Variants in ACAT1 observed in about 807,000 individuals in gnomAD.
ACAT1 encodes the protein acetyl-CoA acetyltransferase, mitochondrial.
A neutral mutation model predicts 47.3 loss-of-function variants in ACAT1; 28 were observed. The ratio of observed to expected loss-of-function variants is 0.59; its 90% confidence interval spans 0.44 to 0.81. The LOEUF (loss-of-function observed/expected upper bound fraction) is 0.81. ACAT1 is among the 30% of genes least tolerant of loss of function. The probability of loss-of-function intolerance (pLI) is 0.00; values close to 1 mark genes in which losing one functional copy is unlikely to be tolerated. For missense variants in ACAT1, 469 were observed against 524.3 expected, an observed-to-expected ratio of 0.89 and a Z score of 1.03; for synonymous variants, 181 against 173.6, an observed-to-expected ratio of 1.04 and a Z score of -0.34.
intron 5 of ACAT1, among the ~76,000 whole-genome samples, chr11:108,135,699 G>C (rs1389113610): frequency 6.6e-6 from 1 of 152,074 alleles, no homozygotes; most frequent in East Asian, 1.9e-4. Context: ...GTGGTGGCAG[G>C]TGCCTGTAAT....
intron 10 of ACAT1, among the ~76,000 whole-genome samples, chr11:108,145,619 T>C (rs1160025031): frequency 3.3e-5 from 5 of 152,218 alleles, no homozygotes; most frequent in African/African-American, 1.2e-4. Flanking sequence ...TAAAGCATTA[T>C]GTGCCCCTAA....
chr11:108,140,506 C>T (rs748210023), intron 7 of ACAT1, among the ~76,000 whole-genome samples: 5 of 152,160 alleles, frequency 3.3e-5, no homozygotes, highest in Non-Finnish European at 5.9e-5. Context: ...AGAAGGTTAC[C>T]GGGAGTGCCT....
chr11:108,135,190 C>A lies in ACAT1; in HGVS notation c.383C>A (p.Ser128Ter). ...ACCACCATAAACAAAGTTTGTGCTT[C>A]AGGAATGAAAGCCATCATGATGGCC... The part of the protein sequence containing the change: ...PCTTINKVCA[S>*]GMKAIMMASQ... Residue 128 changes from serine (S) to a stop codon, truncating the protein, a stop_gained, in exon 5 of 12, where the codon TCA (serine) becomes TAA (stop). Coordinates refer to ENST00000265838, the MANE Select transcript of ACAT1 (RefSeq NM_000019.4). LOFTEE classifies it high-confidence loss of function. 1 of 1,613,902 alleles carries A rather than the reference C, an allele frequency of 6.2e-7. No individual in the cohort carries two copies. Among genetic ancestry groups the A allele is most frequent in the South Asian group, 1.1e-5 (1 of 91,082 alleles).
chr11:108,143,872 A>G, intron 9 of ACAT1, 111 bp from the exon 10 acceptor site: 1 of 1,181,678 alleles, frequency 8.5e-7, no homozygotes, highest in Admixed American at 2.3e-5. Context: ...ATTTACATAT[A>G]TTAAAGGGGC....
upstream of ACAT1, among the ~76,000 whole-genome samples, chr11:108,119,641 T>TTCTC (rs35756586): frequency 6.7e-5 from 10 of 149,196 alleles, no homozygotes; most frequent in Non-Finnish European, 1.3e-4. Context: ...AAATATCTGT[T>TTCTC]TCTCTCTCTC....
upstream of ACAT1, among the ~76,000 whole-genome samples, chr11:108,117,344 G>C (rs1020951539): frequency 2.0e-5 from 3 of 147,840 alleles, no homozygotes; most frequent in Non-Finnish European, 3.0e-5. Context: ...GTTTTGCTCT[G>C]TCGCCCAGGC....
Position 108,142,734 on chromosome 11 carries a change from A to T in ACAT1, c.940+184A>T, listed in dbSNP as rs567671841. Reference sequence around the variant, plus strand: ...TGCCTGTACTACCATCTACTCGGGAAGCTGAGGTGGGAGGATGCCTTGAGC... The same window carrying T: ...TGCCTGTACTACCATCTACTCGGGATGCTGAGGTGGGAGGATGCCTTGAGC... On this transcript the variant is annotated intron_variant, in intron 9 of 11. Transcript: ENST00000265838. 5.2e-6 allele frequency: 3 copies of T among 580,918 alleles called. No individual in the cohort carries two copies. The Admixed American group carries it at 7.3e-5, about 14-fold the overall frequency. The allele number at this position is 580,918 out of a possible 1,614,324, so 36.0% of individuals were successfully genotyped here.
chr11:108,134,850 C>T (rs900822122), intron 4 of ACAT1, among the ~76,000 whole-genome samples: 1 of 142,274 alleles, frequency 7.0e-6, no homozygotes, highest in Non-Finnish European at 1.5e-5. Context: ...GAGGCTGAGG[C>T]AGGAGAATGG....
intron 5 of ACAT1, among the ~76,000 whole-genome samples, chr11:108,135,648 T>C (rs1216815662): frequency 6.6e-6 from 1 of 151,914 alleles, no homozygotes; most frequent in Non-Finnish European, 1.5e-5. Context: ...GATCACATGG[T>C]GAAACCCCGT....
At chr11:108,138,763 C>A in intron 5 of ACAT1, 135 bp from the exon 6 acceptor site, 1 of 990,520 alleles carries the variant, frequency 1.0e-6, no homozygotes. Flanking sequence ...AAAGAGGGTA[C>A]TTCCTGTATT....
chr11:108,132,237 T>C (rs1312365814), intron 2 of ACAT1, among the ~76,000 whole-genome samples: 1 of 152,052 alleles, frequency 6.6e-6, no homozygotes, highest in Admixed American at 6.6e-5. Flanking sequence ...ACTCGCATTG[T>C]ATTGTGTGTG....
At chr11:108,134,965 A>G (rs2077440638) in intron 4 of ACAT1, among the ~76,000 whole-genome samples, 177 bp from the exon 5 acceptor site, 1 of 151,504 alleles carries the variant, frequency 6.6e-6, no homozygotes, top group East Asian at 1.9e-4. Context: ...AAAAAAAAAA[A>G]AAAGTATAAA....
At chr11:108,121,298 A>G, upstream of ACAT1, 1 of 519,682 alleles carries the variant, frequency 1.9e-6, no homozygotes, top group Admixed American at 3.2e-5. Context: ...CGGATTACAC[A>G]TAAACCACCG....
chr11:108,146,341 C>T lies in ACAT1; in HGVS notation c.1145C>T (p.Ser382Phe), dbSNP rs1327844613. 4 of 1,613,844 alleles carry T rather than the reference C, an allele frequency of 2.5e-6. No individual in the cohort carries two copies. The highest frequency in any genetic ancestry group is 3.4e-6 in the Non-Finnish European group (4 of 1,179,950). ...GTGAATATCAATGGAGGAGCTGTTT[C>T]TCTGGGACATCCAATTGGGTAGGTA... The part of the protein sequence containing the change: ...QKVNINGGAV[S>F]LGHPIGMSGA... Residue 382 changes from serine (S) to phenylalanine (F), a missense_variant, in exon 11 of 12, where the codon TCT (serine) becomes TTT (phenylalanine). Transcript: ENST00000265838.
At chr11:108,141,529 A>G (rs1011451895) in intron 7 of ACAT1, 76 bp from the exon 8 acceptor site, 15 of 1,044,146 alleles carry the variant, frequency 1.4e-5, no homozygotes, top group Non-Finnish European at 2.2e-5. Context: ...ACAGACTACT[A>G]GGCATCTTGT....
chr11:108,130,682 C>T (rs139155904), intron 1 of ACAT1, among the ~76,000 whole-genome samples: 1,687 of 152,190 alleles, frequency 0.011, 41 homozygotes, highest in African/African-American at 0.038. Flanking sequence ...TGAGCCACTG[C>T]GCCCAGCTAC....
At chr11:108,127,065 C>A (rs534585324) in intron 1 of ACAT1, among the ~76,000 whole-genome samples, 2 of 151,980 alleles carry the variant, frequency 1.3e-5, no homozygotes, top group East Asian at 3.9e-4. Flanking sequence ...ATCCGCCCCC[C>A]TCGGCCTCCC....
chr11:108,129,117 A>G (rs1363025735), intron 1 of ACAT1: 1 of 152,018 alleles, frequency 6.6e-6, no homozygotes, highest in African/African-American at 2.4e-5. Context: ...GCTCCCACTT[A>G]TGAGTGAGAA....
chr11:108,143,849 A>G, intron 9 of ACAT1, 134 bp from the exon 10 acceptor site: 1 of 800,470 alleles, frequency 1.2e-6, no homozygotes, highest in Non-Finnish European at 1.8e-6. Flanking sequence ...AATCCTAGAA[A>G]AGGAAGACAT....
Sources: gnomAD v4.1 joint callset for allele counts (sites outside exome capture counted in the v4.1 genomes callset) on GRCh38, gnomAD v4.1.1 for gene constraint, MANE v1.5 for transcripts, NCBI Gene and HGNC (gene_info 2026-07-23, HGNC 2026-07-21) for gene names.